COL4A4: variants seen among roughly 807,000 people sequenced by gnomAD.
The protein encoded by COL4A4 is collagen type IV alpha 4 chain.
In COL4A4, 105 loss-of-function variants were observed where a neutral mutation model predicts 192.9. That is an observed-to-expected ratio of 0.54 (90% CI 0.46 to 0.64). The LOEUF (loss-of-function observed/expected upper bound fraction) is 0.64, where lower values mean the gene tolerates loss of function less well. Ranked by LOEUF, COL4A4 falls within the 30% of genes least tolerant of loss-of-function variation. COL4A4 has a pLI of 0.00. For synonymous variants in COL4A4, 762 were observed against 769.9 expected (o/e 0.99, Z 0.17); for missense variants, 1,967 against 2,169.3 (o/e 0.91, Z 1.85).
chr2:227,051,190 C>A, intron 32 of COL4A4, 32 bp from the exon 33 acceptor site: 1 of 1,612,280 alleles, frequency 6.2e-7, no homozygotes, highest in Non-Finnish European at 8.5e-7. Flanking sequence ...CAGGTCTCTG[C>A]TGAAATTTTG....
chr2:226,997,593 A>G, the COL4A4 span: 1 of 152,212 alleles, frequency 6.6e-6, no homozygotes, highest in African/African-American at 2.4e-5. Flanking sequence ...CATTGTATTA[A>G]GAGTCCAGTC....
rs200639109 is a variant in COL4A4, at chr2:227,008,096, C to A, written c.4731G>T (p.Ala1577=). ...AVCEAPAQAV[A]VHSQDQSIPP... is the part of the protein sequence containing the mutation. ...GGATGGACTGGTCCTGGCTGTGCACCGCCACCGCCTGGGCCGGGGCCTCGC... is the reference window on the plus strand; with the variant it reads ...GGATGGACTGGTCCTGGCTGTGCACAGCCACCGCCTGGGCCGGGGCCTCGC... The change falls in exon 47 of 48, where the codon GCG becomes GCT. Residue 1577 remains alanine (A), a synonymous_variant. Transcript: ENST00000396625. 1.2e-6 allele frequency: 2 copies of A among 1,614,032 alleles called. No individual in the cohort carries two copies. The highest frequency in any genetic ancestry group is 3.3e-5 in the Admixed American group (2 of 60,016).
intron 27 of COL4A4, 77 bp downstream of exon 27, chr2:227,060,059 G>T: frequency 1.1e-6 from 1 of 877,654 alleles, no homozygotes; most frequent in Non-Finnish European, 1.7e-6. Flanking sequence ...ATTATCCATC[G>T]GTAGAAATGT....
intron 18 of COL4A4, 145 bp from the exon 19 acceptor site, chr2:227,098,943 A>G (rs571332267): frequency 1.5e-6 from 1 of 682,220 alleles, no homozygotes; most frequent in African/African-American, 1.8e-5. Flanking sequence ...GAAATATCTT[A>G]AATGTGAACC....
chr2:227,077,199 T>C (rs184531243), intron 25 of COL4A4, among the ~76,000 whole-genome samples: 61 of 152,300 alleles, frequency 4.0e-4, no homozygotes, highest in Admixed American at 1.0e-3. Flanking sequence ...CATATGTTTA[T>C]TGCAGTACTA....
At position 227,004,635 on chromosome 2, in the gene COL4A4, AGAG is replaced by A. The variant is rs1473360664; in HGVS notation, c.*2687_*2689del. 6.6e-6 allele frequency: 1 copy of A among 152,310 alleles called. No individual in the cohort carries two copies. Among genetic ancestry groups the A allele is most frequent in the African/African-American group, 2.4e-5 (1 of 41,442 alleles). 9.4% of individuals were successfully genotyped at this position (152,310 alleles called of 1,614,324 possible). On this transcript the variant is annotated 3_prime_UTR_variant, in exon 48 of 48. Transcript: ENST00000396625. ...CTGTGTGAGACGGGCACGGGGCTAA[AGAG>A]GAGGTAGCCATCCAAAGCAGCGATG... is the stretch of plus-strand genomic sequence containing the variant.
chr2:226,971,333 CAA>C, the COL4A4 span, among the ~76,000 whole-genome samples: 3 of 152,174 alleles, frequency 2.0e-5, no homozygotes, highest in Non-Finnish European at 2.9e-5. Flanking sequence ...AAGTAAGTGG[CAA>C]AGTCTGGTGT....
intron 7 of COL4A4, among the ~76,000 whole-genome samples, chr2:227,116,723 C>T (rs1442801179): frequency 6.6e-6 from 1 of 152,000 alleles, no homozygotes; most frequent in East Asian, 1.9e-4. Flanking sequence ...TAAAGAGAAA[C>T]CAGGAAAGTG....
At chr2:227,013,074 C>T (rs768561262) in intron 44 of COL4A4, among the ~76,000 whole-genome samples, 10 of 152,144 alleles carry the variant, frequency 6.6e-5, no homozygotes, top group African/African-American at 1.7e-4. Context: ...GCAGCAATTG[C>T]GTTAATCCTT....
rs549918139 is a variant in COL4A4 at position 227,159,730 on chromosome 2, C to T, written c.-102+4277G>A. 1.1e-4 allele frequency among the ~76,000 whole-genome samples: 16 copies of T among 152,300 alleles called. No individual in the cohort carries two copies. The East Asian group carries it at 3.1e-3, about 29-fold the overall frequency. On this transcript the variant is annotated intron_variant, in intron 1 of 47. Transcript: ENST00000396625. ...AGCACTCATTCTCTCTCCTGCTGCC[C>T]TGTGAAGAGGTGCCTTCCACCATGA... is the stretch of plus-strand genomic sequence containing the variant.
At chr2:226,990,575 A>G in the COL4A4 span, among the ~76,000 whole-genome samples, 1 of 152,100 alleles carries the variant, frequency 6.6e-6, no homozygotes, top group Non-Finnish European at 1.5e-5. Context: ...GGTAGGGAAA[A>G]TGGCCATCAA....
chr2:227,085,987 A>G (rs147714866), intron 22 of COL4A4, among the ~76,000 whole-genome samples: 176 of 152,278 alleles, frequency 1.2e-3, no homozygotes, highest in African/African-American at 4.0e-3. Flanking sequence ...AGCCTCTAAG[A>G]TGGTGTTCTT....
chr2:227,141,450 A>G (rs563698140), intron 3 of COL4A4, among the ~76,000 whole-genome samples: 61 of 152,320 alleles, frequency 4.0e-4, no homozygotes. Flanking sequence ...GTGAATATTC[A>G]TGTACGTATA....
Position 227,008,213 on chromosome 2 carries a change from G to C in COL4A4, c.4614C>G (p.Asp1538Glu), listed in dbSNP as rs1366389265. Reference protein sequence around the residue: ...HQVCHYAQRNDRSYWLASAAP... With the variant: ...HQVCHYAQRNERSYWLASAAP... ...CAGCGCTGGCCAGCCAGTAGGATCT[G>C]TCGTTTCTCTGGGCATAGTGGCACA... The change falls in exon 47 of 48, where the codon GAC becomes GAG. Residue 1538 changes from aspartate (D) to glutamate (E), a missense_variant. Transcript: ENST00000396625. 5 of 1,614,114 alleles carry C rather than the reference G, an allele frequency of 3.1e-6. No homozygotes were observed. In the African/African-American group the frequency reaches 6.7e-5, roughly 22 times the overall value.
At position 227,026,759 on chromosome 2, in the gene COL4A4, A is replaced by C. The variant is rs569988984; in HGVS notation, c.4082-949T>G. Among the ~76,000 whole-genome samples, 22 of 152,204 alleles carry C rather than the reference A, an allele frequency of 1.4e-4. No individual in the cohort carries two copies. The South Asian group carries it at 4.6e-3, about 31-fold the overall frequency. On this transcript the variant is annotated intron_variant, in intron 42 of 47. Coordinates refer to ENST00000396625, the MANE Select transcript of COL4A4 (RefSeq NM_000092.5). ...TGTCGTAATTTGACCCTATGGTTAA[A>C]AAGTGTTGCCTATAGAGTTAAACTG...
At chr2:227,044,134 T>C (rs1971982469) in intron 35 of COL4A4, among the ~76,000 whole-genome samples, 1 of 152,218 alleles carries the variant, frequency 6.6e-6, no homozygotes, top group African/African-American at 2.4e-5. Flanking sequence ...TTGGAGTAAG[T>C]GCTGCACTGA....
intron 1 of COL4A4, among the ~76,000 whole-genome samples, chr2:227,152,457 C>T (rs2064015606): frequency 6.6e-6 from 1 of 152,330 alleles, no homozygotes; most frequent in East Asian, 1.9e-4. Context: ...CTTGAATGAG[C>T]TGCTAAAGGT....
At chr2:227,002,232 C>G (rs1961174793), downstream of COL4A4, among the ~76,000 whole-genome samples, 2 of 151,686 alleles carry the variant, frequency 1.3e-5, no homozygotes, top group African/African-American at 2.4e-5. Context: ...TCCACCTACC[C>G]CCATGTTGTT....
intron 42 of COL4A4, among the ~76,000 whole-genome samples, chr2:227,027,352 T>A (rs1454752595): frequency 6.6e-6 from 1 of 150,422 alleles, no homozygotes; most frequent in Non-Finnish European, 1.5e-5. Flanking sequence ...CTGGAAACCA[T>A]CATTCTCAGC....
Sources: gnomAD v4.1 joint callset for allele counts (sites outside exome capture counted in the v4.1 genomes callset) on GRCh38, gnomAD v4.1.1 for gene constraint, MANE v1.5 for transcripts, NCBI Gene and HGNC (gene_info 2026-07-23, HGNC 2026-07-21) for gene names.